The following NCS1 variants were observed in gnomAD, a reference collection of about 807,000 sequenced individuals.
The protein encoded by NCS1 is frequenin homolog.
A neutral mutation model predicts 28.4 loss-of-function variants in NCS1; 6 were observed. That is an observed-to-expected ratio of 0.21 (90% CI 0.12 to 0.42). NCS1 has a LOEUF of 0.42. NCS1 is among the 10% of genes least tolerant of loss of function. The pLI, the probability that NCS1 is intolerant of heterozygous loss-of-function variation, is 1.00. For missense variants in NCS1, 131 were observed against 241.4 expected (o/e 0.54, Z 3.03); for synonymous variants, 86 against 99.3 (o/e 0.87, Z 0.79).
Position 130,192,101 on chromosome 9 carries a change from G to A in NCS1, c.65-8857G>A, listed in dbSNP as rs1378527742. On this transcript the variant is annotated intron_variant, in intron 1 of 7. Transcript: ENST00000372398. The surrounding 1 kb of genome is among the most constrained non-coding windows in gnomAD (Gnocchi z 4.8). ...GGGGCAGCTCAGGCCTGGTGCTGGG[G>A]CCCAGCTGCCCTTTAGCCAGGCAGT... 1.3e-5 allele frequency among the ~76,000 whole-genome samples: 2 copies of A among 152,158 alleles called. No individual in the cohort carries two copies. The highest frequency in any genetic ancestry group is 6.5e-5 in the Admixed American group (1 of 15,284).
chr9:130,231,725 G>A (rs1373828849), intron 7 of NCS1, among the ~76,000 whole-genome samples: 2 of 151,998 alleles, frequency 1.3e-5, no homozygotes, highest in African/African-American at 4.8e-5. Flanking sequence ...ACCTAGGAGT[G>A]GAGTTGCTGG....
intron 1 of NCS1, among the ~76,000 whole-genome samples, chr9:130,195,658 G>A (rs965730737): frequency 6.6e-6 from 1 of 152,208 alleles, no homozygotes; most frequent in East Asian, 1.9e-4. Flanking sequence ...TCCTGGCCTC[G>A]AGTAATCCGC....
Position 130,180,112 on chromosome 9 carries a change from A to G in NCS1, c.64+7385A>G, listed in dbSNP as rs1403412112. ...TGCAGTGGCGCGATCTCGGCTCACT[A>G]TAATCGCCACCTCCCGGGTTCAAGC... On this transcript the variant is annotated intron_variant, in intron 1 of 7. Transcript: ENST00000372398. The surrounding 1 kb of genome is among the most constrained non-coding windows in gnomAD (Gnocchi z 4.5). 6.6e-6 allele frequency among the ~76,000 whole-genome samples: 1 copy of G among 152,002 alleles called. No homozygotes were observed. The highest frequency in any genetic ancestry group is 1.5e-5 in the Non-Finnish European group (1 of 68,008).
chr9:130,224,574 AT>A (rs2131158317), intron 6 of NCS1, among the ~76,000 whole-genome samples: 3 of 151,712 alleles, frequency 2.0e-5, no homozygotes, highest in African/African-American at 7.3e-5. Flanking sequence ...AAAAAATAAA[AT>A]AAAAGGAACC....
chr9:130,205,205 C>T (rs532384614), intron 2 of NCS1, among the ~76,000 whole-genome samples: 8 of 151,934 alleles, frequency 5.3e-5, no homozygotes, highest in South Asian at 2.1e-4. Flanking sequence ...TCCACCCAGG[C>T]GTAGAAAACA....
chr9:130,222,867 GT>G (rs1554910780), intron 5 of NCS1, 129 bp downstream of exon 5: 3 of 1,024,306 alleles, frequency 2.9e-6, no homozygotes, highest in Non-Finnish European at 4.5e-6. Context: ...TGGCTGAGCC[GT>G]TCTGTACATC....
intron 6 of NCS1, among the ~76,000 whole-genome samples, chr9:130,224,067 C>T (rs764817644): frequency 7.3e-5 from 11 of 151,482 alleles, no homozygotes; most frequent in East Asian, 2.0e-4. Flanking sequence ...AGGATGGTCT[C>T]GATCTCCTGA....
rs1384767322 is a variant in NCS1, at chr9:130,209,131, C to A, written c.89+8149C>A. ...AAGAGATAATGGGAGAATAATTTGCCGAGGCTGCCGCTGCGCCCATCCCCG... is the reference window on the plus strand; with the variant it reads ...AAGAGATAATGGGAGAATAATTTGCAGAGGCTGCCGCTGCGCCCATCCCCG... On this transcript the variant is annotated intron_variant, in intron 2 of 7. Coordinates refer to ENST00000372398, the MANE Select transcript of NCS1 (RefSeq NM_014286.4). The surrounding 1 kb of genome is among the most constrained non-coding windows in gnomAD (Gnocchi z 4.4). Among the ~76,000 whole-genome samples, 1 of 152,152 alleles carries A rather than the reference C, an allele frequency of 6.6e-6. No individual in the cohort carries two copies. The highest frequency in any genetic ancestry group is 1.5e-5 in the Non-Finnish European group (1 of 68,026).
rs868928649 is a variant in NCS1, at chr9:130,176,178, C to T, written c.64+3451C>T. Among the ~76,000 whole-genome samples the T allele has an allele frequency of 7.2e-4, 44 of 61,412 alleles. 1 individual carries two copies. Among genetic ancestry groups the T allele is most frequent in the African/African-American group, 4.8e-3 (28 of 5,830 alleles). 40.3% of individuals were successfully genotyped at this position (61,412 alleles called of 152,430 possible). On this transcript the variant is annotated intron_variant, in intron 1 of 7. Transcript: ENST00000372398. ...TCTTTCTTTCTTTCTTTCTTTCTTT[C>T]TTTCTTTCTTTCTTTCTTTTTTTTT...
chr9:130,209,259 A>G lies in NCS1; in HGVS notation c.89+8277A>G, dbSNP rs150482860. The stretch of plus-strand genomic sequence containing the variant: ...TGCAGAGAGCAGCTGCCGCAGTATC[A>G]TCAGCATGGCAGGAAATGCAGGGCT... On this transcript the variant is annotated intron_variant, in intron 2 of 7. Coordinates refer to ENST00000372398, the MANE Select transcript of NCS1 (RefSeq NM_014286.4). This position sits in a 1 kb window ranked among gnomAD's most constrained non-coding sequence, Gnocchi z 4.4. Among the ~76,000 whole-genome samples the G allele has an allele frequency of 1.5e-4, 23 of 152,338 alleles. No homozygotes were observed. The highest frequency in any genetic ancestry group is 5.3e-4 in the African/African-American group (22 of 41,588).
intron 4 of NCS1, 80 bp from the exon 5 acceptor site, chr9:130,222,570 G>C: frequency 8.4e-6 from 10 of 1,185,948 alleles, no homozygotes; most frequent in Middle Eastern, 2.0e-4. Context: ...TCATGTTGGG[G>C]TACAGAGAGG....
chr9:130,229,881 G>C (rs1053835711), intron 7 of NCS1, among the ~76,000 whole-genome samples: 13 of 152,184 alleles, frequency 8.5e-5, no homozygotes, highest in Non-Finnish European at 1.9e-4. Context: ...TTGCAGTGAT[G>C]TAAGTCATTG....
chr9:130,199,654 G>A (rs145619210), intron 1 of NCS1, among the ~76,000 whole-genome samples: 231 of 152,346 alleles, frequency 1.5e-3, no homozygotes, highest in Middle Eastern at 6.8e-3. Flanking sequence ...CATAAGAGCC[G>A]TTGAGCTAAA....
intron 1 of NCS1, among the ~76,000 whole-genome samples, chr9:130,173,170 C>T (rs1311649510): frequency 6.6e-6 from 1 of 150,870 alleles, no homozygotes; most frequent in East Asian, 2.0e-4. Context: ...CGAGATTGGC[C>T]TGTCGCCCCC....
Position 130,222,288 on chromosome 9 carries a change from G to A in NCS1, c.308-362G>A, listed in dbSNP as rs1833341190. On this transcript the variant is annotated intron_variant, in intron 4 of 7. Coordinates refer to ENST00000372398, the MANE Select transcript of NCS1 (RefSeq NM_014286.4). ...TCCCACCTCAACCTCCCAAGTAGCT[G>A]GAACTACAGGCACCGCCACCAGGCC... Among the ~76,000 whole-genome samples the A allele has an allele frequency of 4.0e-5, 6 of 151,662 alleles. 1 individual carries two copies. Among genetic ancestry groups the A allele is most frequent in the Admixed American group, 1.3e-4 (2 of 15,156 alleles).
rs4836694 is a variant in NCS1 at position 130,177,513 on chromosome 9, G to C, written c.64+4786G>C. 0.17 allele frequency among the ~76,000 whole-genome samples: 25,461 copies of C among 152,190 alleles called. 2,875 individuals are homozygous for C. Among genetic ancestry groups the C allele is most frequent in the East Asian group, 0.6 (3,087 of 5,164 alleles). On this transcript the variant is annotated intron_variant, in intron 1 of 7. Transcript: ENST00000372398. This position sits in a 1 kb window ranked among gnomAD's most constrained non-coding sequence, Gnocchi z 4.4. ...GGCCGTCCCTGTACATCCCGTGTGC[G>C]TGGGCATGAACCAAGGAGGCCTTTC...
intron 2 of NCS1, 75 bp downstream of exon 2, chr9:130,201,057 A>G (rs1832940763): frequency 6.3e-7 from 1 of 1,594,164 alleles, no homozygotes; most frequent in Non-Finnish European, 8.6e-7. Context: ...TGATGGGGAC[A>G]GCAGTCCAGC....
intron 1 of NCS1, among the ~76,000 whole-genome samples, chr9:130,176,194 C>CTTTCTTTCTTTCTTTCTTTCTTT (rs1554904576): frequency 6.0e-5 from 3 of 50,126 alleles, no homozygotes; most frequent in Non-Finnish European, 3.5e-5. Flanking sequence ...TTCTTTCTTT[C>CTTTCTTTCTTTCTTTCTTTCTTT]TTTTTTTTTT....
intron 1 of NCS1, among the ~76,000 whole-genome samples, chr9:130,179,871 G>C (rs1832629105): frequency 6.6e-6 from 1 of 152,180 alleles, no homozygotes; most frequent in Non-Finnish European, 1.5e-5. Flanking sequence ...GAAAGGTGAA[G>C]CATCTTCCCC....
Sources: allele counts gnomAD v4.1 joint callset (sites outside exome capture counted in the v4.1 genomes callset), GRCh38; gene constraint gnomAD v4.1.1; non-coding constraint Gnocchi (gnomAD v3.1); transcripts MANE v1.5; gene names NCBI Gene and HGNC (gene_info 2026-07-23, HGNC 2026-07-21).